Variants in UTP15 observed in about 807,000 individuals in gnomAD.
UTP15 encodes the protein U3 small nucleolar RNA-associated protein 15 homolog.
Under a neutral mutation model 59.1 loss-of-function variants are expected in UTP15, and 5 were observed. That is an observed-to-expected ratio of 0.08 (90% CI 0.04 to 0.18). UTP15 has a LOEUF of 0.18. UTP15 is among the 10% of genes least tolerant of loss of function. UTP15 has a pLI of 1.00. For synonymous variants in UTP15, 211 were observed against 212.2 expected (o/e 0.99, Z 0.05); for missense variants, 494 against 616.7 (o/e 0.80, Z 2.11).
chr5:73,578,716 A>G, intron 9 of UTP15, 35 bp from the exon 10 acceptor site: 1 of 1,575,832 alleles, frequency 6.3e-7, no homozygotes, highest in South Asian at 1.1e-5. Context: ...ACAGATGCTG[A>G]TTTTCCTTCT....
intron 2 of UTP15, 145 bp downstream of exon 2, chr5:73,567,579 T>C: frequency 1.9e-6 from 1 of 537,440 alleles, no homozygotes; most frequent in Non-Finnish European, 3.2e-6. Context: ...TAATTTGATA[T>C]CTATTTTTTC....
intron 8 of UTP15, among the ~76,000 whole-genome samples, chr5:73,577,538 TA>T (rs1223470695): frequency 2.0e-5 from 3 of 152,196 alleles, no homozygotes; most frequent in Non-Finnish European, 4.4e-5. Flanking sequence ...AAAAGCTTAT[TA>T]AAAATATTTT....
At chr5:73,579,472 CT>C in intron 12 of UTP15, 97 bp downstream of exon 12, 2 of 955,040 alleles carry the variant, frequency 2.1e-6, no homozygotes, top group Non-Finnish European at 3.2e-6. Flanking sequence ...AAATATCTTG[CT>C]TTTATCAAAT....
chr5:73,570,547 T>C, intron 5 of UTP15, 39 bp from the exon 6 acceptor site: 1 of 1,606,698 alleles, frequency 6.2e-7, no homozygotes, highest in Non-Finnish European at 8.5e-7. Context: ...TTTGTTGTTT[T>C]AAACAGTCAA....
chr5:73,570,051 C>T (rs772431167), intron 5 of UTP15, among the ~76,000 whole-genome samples: 5 of 152,130 alleles, frequency 3.3e-5, no homozygotes, highest in South Asian at 4.1e-4. Context: ...AGGCTGGTCT[C>T]GAACTCCTGG....
intron 7 of UTP15, 105 bp from the exon 8 acceptor site, chr5:73,576,847 T>G (rs1165296294): frequency 1.3e-6 from 1 of 763,034 alleles, no homozygotes; most frequent in Non-Finnish European, 2.2e-6. Flanking sequence ...TTTTCTTCAC[T>G]GTTGTACAGA....
At chr5:73,569,386 C>G in intron 4 of UTP15, 111 bp from the exon 5 acceptor site, 10 of 880,616 alleles carry the variant, frequency 1.1e-5, no homozygotes, top group Non-Finnish European at 1.5e-5. Flanking sequence ...TGAAGACTCC[C>G]TGAAACTCAG....
chr5:73,575,818 G>A (rs1748073198), intron 7 of UTP15, among the ~76,000 whole-genome samples: 1 of 151,594 alleles, frequency 6.6e-6, no homozygotes, highest in African/African-American at 2.4e-5. Context: ...TGCCTCCTGG[G>A]TTCATGTGAT....
chr5:73,566,349 A>G (rs888255524), intron 1 of UTP15, among the ~76,000 whole-genome samples: 3 of 152,232 alleles, frequency 2.0e-5, no homozygotes, highest in African/African-American at 7.2e-5. Flanking sequence ...TATTGGAGTA[A>G]GCAAAGGCAC....
chr5:73,573,332 C>CT (rs1747997315), intron 7 of UTP15, among the ~76,000 whole-genome samples: 1 of 150,616 alleles, frequency 6.6e-6, no homozygotes, highest in South Asian at 2.1e-4. Context: ...ACTGCAACCT[C>CT]TGTCTCCCAG....
intron 7 of UTP15, among the ~76,000 whole-genome samples, chr5:73,576,152 T>C (rs1405337868): frequency 6.6e-6 from 1 of 152,062 alleles, no homozygotes; most frequent in Admixed American, 6.5e-5. Context: ...TGGCCCAGGC[T>C]GGAGGGCAGT....
intron 4 of UTP15, 149 bp downstream of exon 4, chr5:73,568,753 A>T (rs1175177874): frequency 1.4e-6 from 1 of 699,106 alleles, no homozygotes; most frequent in Non-Finnish European, 2.2e-6. Context: ...AAGAGTGCTT[A>T]ACTTGGGTTC....
intron 9 of UTP15, chr5:73,578,252 C>T (rs556706197): frequency 3.3e-5 from 13 of 396,572 alleles, no homozygotes; most frequent in Admixed American, 3.2e-4. Context: ...AAAATAATGT[C>T]TTTCACATAC....
chr5:73,566,898 T>C (rs1212820865), intron 1 of UTP15, among the ~76,000 whole-genome samples: 1 of 152,260 alleles, frequency 6.6e-6, no homozygotes, highest in African/African-American at 2.4e-5. Context: ...TTAAACTTGG[T>C]TTCAGGAAAC....
chr5:73,569,447 CAG>C, intron 4 of UTP15, 48 bp from the exon 5 acceptor site: 3 of 1,359,930 alleles, frequency 2.2e-6, no homozygotes, highest in Non-Finnish European at 2.9e-6. Flanking sequence ...TAGAAGGTAT[CAG>C]AAAAATAATT....
rs548461066 is a variant in UTP15, at chr5:73,580,160, C to T, written c.*66C>T. 1.5e-4 allele frequency: 203 copies of T among 1,399,798 alleles called. 2 individuals are homozygous for T. The South Asian group carries it at 2.2e-3, about 15-fold the overall frequency. 86.7% of individuals were successfully genotyped at this position (1,399,798 alleles called of 1,614,324 possible). A position where few individuals can be genotyped will look rare whatever the true frequency, so the allele number is the denominator to read the frequency against. Reference sequence around the variant, plus strand: ...TAGATTTGACTGTATTAAATGTTGGCGAGAGACTCTCTTTGATACATTAAA... The same window carrying T: ...TAGATTTGACTGTATTAAATGTTGGTGAGAGACTCTCTTTGATACATTAAA... On this transcript the variant is annotated 3_prime_UTR_variant, in exon 13 of 13. Transcript: ENST00000296792.
chr5:73,571,966 G>A (rs1371905503), intron 6 of UTP15, among the ~76,000 whole-genome samples: 1 of 152,074 alleles, frequency 6.6e-6, no homozygotes, highest in East Asian at 1.9e-4. Context: ...AAAATGAGAG[G>A]GTTGGACTAG....
intron 2 of UTP15, among the ~76,000 whole-genome samples, chr5:73,567,922 G>A (rs1208090017): frequency 6.6e-6 from 1 of 152,156 alleles, no homozygotes; most frequent in Non-Finnish European, 1.5e-5. Context: ...TATTTTAAAA[G>A]TACAAGTACG....
In UTP15 at chr5:73,565,772, T is replaced by A. The variant is rs1046187784; in HGVS notation, c.-224T>A. The A allele has an allele frequency of 4.4e-6, 2 of 456,144 alleles. No homozygotes were observed. The allele number at this position is 456,144 out of a possible 1,614,324, so 28.3% of individuals were successfully genotyped here. ...CATCTTCGCGCGACGTTCGGTTCGC[T>A]GTGTGTGTCGCCGGCTCCTTGAGGG... On this transcript the variant is annotated 5_prime_UTR_variant, in exon 1 of 13. Coordinates refer to ENST00000296792, the MANE Select transcript of UTP15 (RefSeq NM_032175.4).
Sources: gnomAD v4.1 joint callset for allele counts (sites outside exome capture counted in the v4.1 genomes callset) on GRCh38, gnomAD v4.1.1 for gene constraint, MANE v1.5 for transcripts, NCBI Gene and HGNC (gene_info 2026-07-23, HGNC 2026-07-21) for gene names.